Variants in TOX2 observed in about 807,000 individuals in gnomAD.
The protein encoded by TOX2 is granulosa cell HMG box 1.
Under a neutral mutation model 47.4 loss-of-function variants are expected in TOX2, and 15 were observed. That is an observed-to-expected ratio of 0.32 (90% CI 0.21 to 0.49). The LOEUF is 0.49. Among genes scored for constraint, TOX2 ranks in the 20% least tolerant of loss-of-function variants. The pLI, the probability that TOX2 is intolerant of heterozygous loss-of-function variation, is 0.99. For synonymous variants in TOX2, 290 were observed against 296.6 expected (o/e 0.98, Z 0.23); for missense variants, 622 against 673.1 (o/e 0.92, Z 0.84).
At chr20:44,025,449 A>G (rs981009351) in intron 3 of TOX2, among the ~76,000 whole-genome samples, 2 of 9,462 alleles carry the variant, frequency 2.1e-4, no homozygotes, top group Admixed American at 1.2e-3. Context: ...GAGAGCCTTC[A>G]CCAACCGATG....
At chr20:43,920,216 G>A (rs2069098724) in intron 1 of TOX2, among the ~76,000 whole-genome samples, 1 of 152,206 alleles carries the variant, frequency 6.6e-6, no homozygotes, top group South Asian at 2.1e-4. Flanking sequence ...GTGCTGGTGG[G>A]TGAAGGATTC....
chr20:43,987,555 C>T (rs1161594506), intron 2 of TOX2, among the ~76,000 whole-genome samples: 2 of 152,148 alleles, frequency 1.3e-5, no homozygotes, highest in Non-Finnish European at 2.9e-5. Context: ...AAGATCAAGG[C>T]ATTGTATTTT....
chr20:44,061,818 G>T (rs926000663), intron 5 of TOX2, among the ~76,000 whole-genome samples: 3 of 152,120 alleles, frequency 2.0e-5, no homozygotes, highest in Non-Finnish European at 4.4e-5. Context: ...TGGATGCAGG[G>T]ATGGTTTAAC....
At chr20:43,945,948 G>A (rs766297373) in intron 1 of TOX2, 14 of 1,613,786 alleles carry the variant, frequency 8.7e-6, no homozygotes, top group African/African-American at 1.3e-5. Context: ...TCGCGGGCGC[G>A]TTCTCTCGCT....
At chr20:44,005,526 C>T (rs2070663183) in intron 2 of TOX2, among the ~76,000 whole-genome samples, 1 of 152,076 alleles carries the variant, frequency 6.6e-6, no homozygotes, top group Non-Finnish European at 1.5e-5. Flanking sequence ...ATACAAAAGT[C>T]CTAAACAAAA....
intron 1 of TOX2, among the ~76,000 whole-genome samples, chr20:43,947,433 G>A (rs1373798956): frequency 6.6e-6 from 1 of 152,216 alleles, no homozygotes; most frequent in African/African-American, 2.4e-5. Flanking sequence ...ATGAATGAAT[G>A]AACAAATGAC....
At chr20:44,028,297 G>C (rs1039212797) in intron 3 of TOX2, among the ~76,000 whole-genome samples, 3 of 152,150 alleles carry the variant, frequency 2.0e-5, no homozygotes, top group African/African-American at 7.2e-5. Flanking sequence ...CTGTGGCTGG[G>C]CAGGGGGGTG....
intron 2 of TOX2, among the ~76,000 whole-genome samples, chr20:43,978,969 A>G (rs1053897542): frequency 6.6e-6 from 1 of 152,124 alleles, no homozygotes; most frequent in East Asian, 1.9e-4. Flanking sequence ...TGCATTGGAG[A>G]TAAAGTTAGT....
At chr20:44,036,058 G>A (rs1192468003) in intron 3 of TOX2, among the ~76,000 whole-genome samples, 1 of 152,206 alleles carries the variant, frequency 6.6e-6, no homozygotes, top group East Asian at 1.9e-4. Flanking sequence ...TGTAACCATG[G>A]GGGAAGCAGC....
chr20:44,065,608 G>T, intron 6 of TOX2, 104 bp from the exon 7 acceptor site: 1 of 1,381,852 alleles, frequency 7.2e-7, no homozygotes, highest in Non-Finnish European at 9.9e-7. Context: ...AAGACAGCCA[G>T]CCAGCAGCCG....
intron 3 of TOX2, among the ~76,000 whole-genome samples, chr20:44,018,650 A>G (rs74506079): frequency 0.012 from 1,770 of 152,268 alleles, 31 homozygotes; most frequent in African/African-American, 0.04. Flanking sequence ...TCTTTCTCTC[A>G]TCTTGTGGCT....
At chr20:44,064,110 A>C (rs1457539485) in intron 5 of TOX2, among the ~76,000 whole-genome samples, 5 of 152,206 alleles carry the variant, frequency 3.3e-5, no homozygotes, top group Non-Finnish European at 5.9e-5. Flanking sequence ...GAACTTATTC[A>C]TATACAAAAA....
At position 43,949,708 on chromosome 20, in the gene TOX2, C is replaced by T. The variant is rs76331177; in HGVS notation, c.100-23659C>T. The stretch of plus-strand genomic sequence containing the variant: ...CTGTTTATTCTCGCAGGTGTGGTCA[C>T]GACATCCACGGCTTTCCAGAAGCCT... On this transcript the variant is annotated intron_variant, in intron 1 of 8. Transcript: ENST00000341197. Among the ~76,000 whole-genome samples the T allele has an allele frequency of 8.2e-3, 1,244 of 152,274 alleles. 27 individuals carry two copies. Among genetic ancestry groups the T allele is most frequent in the South Asian group, 0.065 (312 of 4,818 alleles).
intron 1 of TOX2, among the ~76,000 whole-genome samples, chr20:43,933,028 A>G (rs566217467): frequency 6.6e-6 from 1 of 152,322 alleles, no homozygotes; most frequent in East Asian, 1.9e-4. Context: ...GGGGCACCAA[A>G]GAGAAACAGA....
At chr20:43,929,686 T>A (rs566982164) in intron 1 of TOX2, among the ~76,000 whole-genome samples, 3 of 152,224 alleles carry the variant, frequency 2.0e-5, no homozygotes, top group African/African-American at 7.2e-5. Context: ...AGCCTCTGAG[T>A]ATTTTTATTT....
At chr20:43,993,726 A>G (rs1391074503) in intron 2 of TOX2, among the ~76,000 whole-genome samples, 1 of 152,250 alleles carries the variant, frequency 6.6e-6, no homozygotes, top group African/African-American at 2.4e-5. Flanking sequence ...AGAGTTGAAT[A>G]GTTCTGACAG....
intron 1 of TOX2, among the ~76,000 whole-genome samples, chr20:43,961,890 T>C (rs2069765001): frequency 6.6e-6 from 1 of 152,098 alleles, no homozygotes; most frequent in Non-Finnish European, 1.5e-5. Flanking sequence ...GCCCTGCCCC[T>C]TGGATGGCCT....
At chr20:43,977,282 T>C in intron 2 of TOX2, among the ~76,000 whole-genome samples, 1 of 152,160 alleles carries the variant, frequency 6.6e-6, no homozygotes, top group Admixed American at 6.6e-5. Context: ...TGTGTGTGTG[T>C]GTATTTTTAG....
At position 43,916,444 on chromosome 20, in the gene TOX2, C is replaced by G. The variant is rs1402081702; in HGVS notation, c.99+1454C>G. On this transcript the variant is annotated intron_variant, in intron 1 of 8. Transcript: ENST00000341197. The surrounding 1 kb of genome is among the most constrained non-coding windows in gnomAD (Gnocchi z 5.0). ...CAGCAAGCATCCAGGCCACTAGGGCCTGCGCGATGTGGGGCGGTGGTGGGC... is the reference window on the plus strand; with the variant it reads ...CAGCAAGCATCCAGGCCACTAGGGCGTGCGCGATGTGGGGCGGTGGTGGGC... Among the ~76,000 whole-genome samples, 1 of 152,212 alleles carries G rather than the reference C, an allele frequency of 6.6e-6. No individual in the cohort carries two copies. The highest frequency in any genetic ancestry group is 6.5e-5 in the Admixed American group (1 of 15,286).
Sources: gnomAD v4.1 joint callset for allele counts (sites outside exome capture counted in the v4.1 genomes callset) on GRCh38, gnomAD v4.1.1 for gene constraint, Gnocchi (gnomAD v3.1) non-coding constraint, MANE v1.5 for transcripts, NCBI Gene and HGNC (gene_info 2026-07-23, HGNC 2026-07-21) for gene names.